The following FBXW4 variants were observed in gnomAD, a reference collection of about 807,000 sequenced individuals.
FBXW4 encodes F-box/WD repeat-containing protein 4.
FBXW4 carries 40 observed loss-of-function variants against 61.8 expected under a neutral mutation model. The ratio of observed to expected loss-of-function variants is 0.65; its 90% CI spans 0.50 to 0.84. FBXW4 has a LOEUF of 0.84. Among genes scored for constraint, FBXW4 ranks in the 40% least tolerant of loss-of-function variants. The probability of loss-of-function intolerance (pLI) is 0.00; values close to 1 mark genes in which losing one functional copy is unlikely to be tolerated. For synonymous variants in FBXW4, 311 were observed against 313.8 expected (o/e 0.99, Z 0.10); for missense variants, 672 against 753.8 (o/e 0.89, Z 1.27).
chr10:101,611,790 C>A lies in FBXW4; in HGVS notation c.1443-21G>T. ...ATTTCCTGTCCAGGAAGAGGAGAAG[C>A]AGAGGGAGGTTTAGGGTACCCTCCA... On this transcript the variant is annotated intron_variant, in intron 7 of 8. Coordinates refer to ENST00000331272, the MANE Select transcript of FBXW4 (RefSeq NM_022039.4). The surrounding 1 kb of genome is among the most constrained non-coding windows in gnomAD (Gnocchi z 4.9). 6.2e-7 allele frequency: 1 copy of A among 1,607,200 alleles called. No homozygotes were observed. The highest frequency in any genetic ancestry group is 8.5e-7 in the Non-Finnish European group (1 of 1,175,250).
chr10:101,615,074 A>G (rs1045824810), intron 6 of FBXW4, among the ~76,000 whole-genome samples: 4 of 152,172 alleles, frequency 2.6e-5, no homozygotes, highest in African/African-American at 9.7e-5. Context: ...TGTTCTTATA[A>G]AAACGATTAG....
intron 1 of FBXW4, among the ~76,000 whole-genome samples, chr10:101,678,011 A>C (rs73351268): frequency 6.6e-6 from 1 of 152,214 alleles, no homozygotes; most frequent in African/African-American, 2.4e-5. Context: ...GCCAAATATT[A>C]ATTGTAGAAC....
At chr10:101,667,603 T>C (rs574598475) in intron 5 of FBXW4, among the ~76,000 whole-genome samples, 15 of 152,358 alleles carry the variant, frequency 9.8e-5, no homozygotes, top group Non-Finnish European at 1.6e-4. Flanking sequence ...GGGACACTTC[T>C]GGCTAACAGC....
At chr10:101,681,045 T>C (rs986291744) in intron 1 of FBXW4, among the ~76,000 whole-genome samples, 2 of 152,126 alleles carry the variant, frequency 1.3e-5, no homozygotes, top group African/African-American at 4.8e-5. Context: ...TAAGTTAAAT[T>C]TATAAAGGTA....
intron 5 of FBXW4, among the ~76,000 whole-genome samples, chr10:101,633,647 A>G (rs1405453819): frequency 6.6e-6 from 1 of 152,212 alleles, no homozygotes; most frequent in Non-Finnish European, 1.5e-5. Context: ...TACACATAGC[A>G]CACACCCACG....
At chr10:101,684,433 C>A (rs192298772) in intron 1 of FBXW4, among the ~76,000 whole-genome samples, 3 of 152,186 alleles carry the variant, frequency 2.0e-5, no homozygotes, top group Non-Finnish European at 4.4e-5. Context: ...GCCTACCCAG[C>A]TAATTTTTGT....
chr10:101,645,957 G>A (rs1370497318), intron 5 of FBXW4, among the ~76,000 whole-genome samples: 1 of 152,146 alleles, frequency 6.6e-6, no homozygotes, highest in Non-Finnish European at 1.5e-5. Context: ...GTTTCCTTTT[G>A]TAAACTGAGG....
At chr10:101,614,417 G>A (rs1222323247) in intron 6 of FBXW4, among the ~76,000 whole-genome samples, 2 of 152,172 alleles carry the variant, frequency 1.3e-5, no homozygotes. Context: ...ACCCAGACTG[G>A]GCTGCCAAGC....
intron 5 of FBXW4, among the ~76,000 whole-genome samples, chr10:101,656,678 G>A (rs2064187875): frequency 1.3e-5 from 2 of 152,188 alleles, no homozygotes; most frequent in African/African-American, 4.8e-5. Flanking sequence ...CTGGATTATG[G>A]CTTTGCTGTG....
At chr10:101,666,294 C>T (rs2064299763) in intron 5 of FBXW4, among the ~76,000 whole-genome samples, 1 of 152,146 alleles carries the variant, frequency 6.6e-6, no homozygotes, top group Non-Finnish European at 1.5e-5. Context: ...ATTAACTTCT[C>T]TCATCGTCAA....
intron 6 of FBXW4, among the ~76,000 whole-genome samples, chr10:101,613,837 C>G (rs2063806429): frequency 6.6e-6 from 1 of 152,220 alleles, no homozygotes; most frequent in East Asian, 1.9e-4. Context: ...ATCCCCAAGG[C>G]AGCACCCCTG....
At position 101,694,641 on chromosome 10, in the gene FBXW4, G is replaced by A; in HGVS notation, c.465C>T (p.Ala155=). The A allele has an allele frequency of 7.0e-7, 1 of 1,423,920 alleles. No individual in the cohort carries two copies. The highest frequency in any genetic ancestry group is 9.1e-7 in the Non-Finnish European group (1 of 1,098,886). 88.2% of individuals were successfully genotyped at this position (1,423,920 alleles called of 1,614,324 possible). Residue 155 remains alanine, a synonymous_variant, in exon 1 of 9, where the codon GCC becomes GCT. Transcript: ENST00000331272. The surrounding 1 kb of genome is among the most constrained non-coding windows in gnomAD (Gnocchi z 6.0). ...AWADIAGTGV[A]MAAAAGEEEE... The stretch of plus-strand genomic sequence containing the variant: ...CCTCCTCCCCGGCCGCCGCCGCCAT[G>A]GCCACCCCTGTCCCCGCGATGTCGG...
At chr10:101,615,564 CAAG>C (rs2063820485) in intron 6 of FBXW4, among the ~76,000 whole-genome samples, 1 of 151,996 alleles carries the variant, frequency 6.6e-6, no homozygotes, top group Admixed American at 6.6e-5. Flanking sequence ...ACTACCTGGA[CAAG>C]AAGAAGCAAG....
At chr10:101,651,157 T>G (rs954271257) in intron 5 of FBXW4, among the ~76,000 whole-genome samples, 1 of 152,120 alleles carries the variant, frequency 6.6e-6, no homozygotes, top group Non-Finnish European at 1.5e-5. Flanking sequence ...TGTACAGGCC[T>G]GGAACACACT....
intron 1 of FBXW4, among the ~76,000 whole-genome samples, chr10:101,679,669 A>G (rs906005941): frequency 6.6e-6 from 1 of 152,278 alleles, no homozygotes; most frequent in South Asian, 2.1e-4. Flanking sequence ...TGGATAGTCA[A>G]CTTTGGGTGT....
At chr10:101,653,005 C>T (rs1564915236) in intron 5 of FBXW4, among the ~76,000 whole-genome samples, 1 of 152,298 alleles carries the variant, frequency 6.6e-6, no homozygotes, top group Middle Eastern at 3.4e-3. Flanking sequence ...CTCAACCCCA[C>T]GTGTGAGTTC....
chr10:101,632,121 AG>A (rs769699293), intron 5 of FBXW4, among the ~76,000 whole-genome samples: 3 of 152,070 alleles, frequency 2.0e-5, no homozygotes, highest in Non-Finnish European at 4.4e-5. Context: ...ATCAGAAGGG[AG>A]GTGCCCCACT....
chr10:101,680,517 A>G (rs776736646), intron 1 of FBXW4, among the ~76,000 whole-genome samples: 1 of 152,180 alleles, frequency 6.6e-6, no homozygotes, highest in Non-Finnish European at 1.5e-5. Flanking sequence ...TGTCTCCAAT[A>G]CCATATCATC....
chr10:101,657,652 A>AG (rs2064200647), intron 5 of FBXW4, among the ~76,000 whole-genome samples: 2 of 151,142 alleles, frequency 1.3e-5, no homozygotes, highest in Non-Finnish European at 3.0e-5. Flanking sequence ...AAAAAAAAAA[A>AG]AAAAAAAAAA....
Sources: allele counts gnomAD v4.1 joint callset (sites outside exome capture counted in the v4.1 genomes callset), GRCh38; gene constraint gnomAD v4.1.1; non-coding constraint Gnocchi (gnomAD v3.1); transcripts MANE v1.5; gene names NCBI Gene and HGNC (gene_info 2026-07-23, HGNC 2026-07-21).